Variants in DLG2 observed in about 807,000 individuals in gnomAD.
DLG2 encodes the protein discs large MAGUK scaffold protein 2, also known as disks large homolog 2.
DLG2 carries 45 observed loss-of-function variants against 132.5 expected under a neutral mutation model. The observed-to-expected ratio is 0.34, with a 90% CI of 0.27 to 0.44. The LOEUF (loss-of-function observed/expected upper bound fraction) is 0.44. Ranked by LOEUF, DLG2 falls within the 20% of genes least tolerant of loss-of-function variation. DLG2 has a pLI of 1.00. For synonymous variants in DLG2, 424 were observed against 419.6 expected, an observed-to-expected ratio of 1.01 and a Z score of -0.13; for missense variants, 1,045 against 1,196.9, an observed-to-expected ratio of 0.87 and a Z score of 1.87.
intron 18 of DLG2, among the ~76,000 whole-genome samples, chr11:83,717,486 C>T (rs1467994251): frequency 6.6e-6 from 1 of 152,134 alleles, no homozygotes; most frequent in Non-Finnish European, 1.5e-5. Context: ...GGCTTAGTCA[C>T]ATAGTCCAGT....
chr11:83,513,429 T>C (rs1351117275), intron 21 of DLG2, among the ~76,000 whole-genome samples: 2 of 152,192 alleles, frequency 1.3e-5, no homozygotes, highest in East Asian at 1.9e-4. Context: ...TGGATATTAG[T>C]CCTTTGTCAG....
At chr11:84,611,935 T>G (rs907061489) in intron 6 of DLG2, among the ~76,000 whole-genome samples, 7 of 152,170 alleles carry the variant, frequency 4.6e-5, no homozygotes, top group Non-Finnish European at 1.0e-4. Context: ...ATACATCATT[T>G]TTTACAACTA....
chr11:83,806,491 T>C (rs1325086665), intron 17 of DLG2, among the ~76,000 whole-genome samples: 1 of 152,178 alleles, frequency 6.6e-6, no homozygotes, highest in Non-Finnish European at 1.5e-5. Context: ...AACATTCATG[T>C]TTACCTCCAT....
At chr11:84,702,975 G>T (rs2153744273) in intron 6 of DLG2, among the ~76,000 whole-genome samples, 1 of 151,756 alleles carries the variant, frequency 6.6e-6, no homozygotes, top group South Asian at 2.1e-4. Flanking sequence ...CATATTGAGA[G>T]AATCAACTTT....
At chr11:83,462,214 A>G in intron 26 of DLG2, 121 bp from the exon 27 acceptor site, 1 of 674,058 alleles carries the variant, frequency 1.5e-6, no homozygotes, top group Admixed American at 2.4e-5. Context: ...ACAGGTTTTT[A>G]GTCTTCATTC....
intron 2 of DLG2, among the ~76,000 whole-genome samples, chr11:85,625,791 C>T (rs1381602489): frequency 3.0e-4 from 45 of 152,210 alleles, no homozygotes; most frequent in Admixed American, 2.9e-3. Flanking sequence ...CAGTTGATCT[C>T]ACCTTCCATA....
intron 7 of DLG2, among the ~76,000 whole-genome samples, chr11:84,321,883 G>A (rs1199447185): frequency 2.0e-5 from 3 of 152,038 alleles, no homozygotes; most frequent in Admixed American, 6.5e-5. Flanking sequence ...CCTGAATACC[G>A]GGTCACCTTC....
At chr11:84,871,336 G>T (rs979591997) in intron 6 of DLG2, among the ~76,000 whole-genome samples, 1 of 152,168 alleles carries the variant, frequency 6.6e-6, no homozygotes, top group Non-Finnish European at 1.5e-5. Flanking sequence ...TGGCTGTGGT[G>T]TTCTCAGGAC....
intron 3 of DLG2, among the ~76,000 whole-genome samples, chr11:85,540,348 G>A (rs2075883695): frequency 6.6e-6 from 1 of 152,186 alleles, no homozygotes; most frequent in Non-Finnish European, 1.5e-5. Context: ...AGGAACAGAG[G>A]ATCAGAAGAG....
chr11:84,511,699 G>A (rs1160896239), intron 7 of DLG2, among the ~76,000 whole-genome samples: 1 of 152,108 alleles, frequency 6.6e-6, no homozygotes, highest in Admixed American at 6.6e-5. Flanking sequence ...GGAGTCTAAT[G>A]GTGCTCCTGA....
At chr11:84,506,707 T>A (rs903115975) in intron 7 of DLG2, among the ~76,000 whole-genome samples, 1 of 152,166 alleles carries the variant, frequency 6.6e-6, no homozygotes, top group African/African-American at 2.4e-5. Flanking sequence ...GGTAACTTTT[T>A]AAAGTAACAA....
intron 9 of DLG2, among the ~76,000 whole-genome samples, chr11:84,128,483 C>G (rs750480246): frequency 1.3e-4 from 20 of 152,118 alleles, no homozygotes; most frequent in Non-Finnish European, 1.8e-4. Flanking sequence ...CAAAACAGCT[C>G]TTTACCACTT....
At chr11:84,629,499 G>T (rs577879666) in intron 6 of DLG2, among the ~76,000 whole-genome samples, 1 of 152,326 alleles carries the variant, frequency 6.6e-6, no homozygotes, top group East Asian at 1.9e-4. Context: ...CAGCTGAAGA[G>T]TTCATTTGAT....
chr11:84,714,611 TTCTCTTTCTCTTTCTCTC>T lies in DLG2; in HGVS notation c.358-179898_358-179881del, dbSNP rs1565750272. ...TCTTTCTCTTTCTTTCTCTTTCTCT[TTCTCTTTCTCTTTCTCTC>T]TCTCTCTCTCTCTCTCTTTCTCTCT... On this transcript the variant is annotated intron_variant, in intron 6 of 27. Transcript: ENST00000376104. Among the ~76,000 whole-genome samples, 367 of 93,404 alleles carry T rather than the reference TTCTCTTTCTCTTTCTCTC, an allele frequency of 3.9e-3. 12 individuals carry two copies. Among genetic ancestry groups the T allele is most frequent in the African/African-American group, 0.016 (339 of 21,426 alleles). 61.3% of individuals were successfully genotyped at this position (93,404 alleles called of 152,430 possible). A position where few individuals can be genotyped will look rare whatever the true frequency, so the allele number is the denominator to read the frequency against.
intron 18 of DLG2, among the ~76,000 whole-genome samples, chr11:83,780,397 A>G (rs563055178): frequency 1.3e-5 from 2 of 152,204 alleles, no homozygotes; most frequent in Admixed American, 6.5e-5. Context: ...TGCTGAAAAG[A>G]ATAGTTTTCC....
At chr11:84,791,080 T>C (rs1015241401) in intron 6 of DLG2, among the ~76,000 whole-genome samples, 2 of 152,134 alleles carry the variant, frequency 1.3e-5, no homozygotes, top group African/African-American at 4.8e-5. Context: ...GCATGTCTTA[T>C]GTGGTGGCAG....
At chr11:84,175,942 C>T (rs1238682858) in intron 8 of DLG2, among the ~76,000 whole-genome samples, 1 of 151,982 alleles carries the variant, frequency 6.6e-6, no homozygotes, top group South Asian at 2.1e-4. Flanking sequence ...ATGTCTGGCC[C>T]AGGTGATAAC....
intron 18 of DLG2, among the ~76,000 whole-genome samples, chr11:83,729,114 TA>T (rs1267936619): frequency 2.0e-5 from 3 of 152,260 alleles, no homozygotes; most frequent in Non-Finnish European, 4.4e-5. Context: ...AAGACATGTG[TA>T]AGTCTGTAAA....
At chr11:84,567,774 G>A (rs1004574993) in intron 6 of DLG2, among the ~76,000 whole-genome samples, 1 of 152,024 alleles carries the variant, frequency 6.6e-6, no homozygotes, top group South Asian at 2.1e-4. Flanking sequence ...TCCTCCTTAC[G>A]GAAAGTTCAA....
Sources: allele counts gnomAD v4.1 joint callset (sites outside exome capture counted in the v4.1 genomes callset), GRCh38; gene constraint gnomAD v4.1.1; transcripts MANE v1.5; gene names NCBI Gene and HGNC (gene_info 2026-07-23, HGNC 2026-07-21).